The following ADCK1 variants were observed in gnomAD, a reference collection of about 807,000 sequenced individuals.
ADCK1 encodes the protein aarF domain containing kinase 1.
ADCK1 carries 41 observed loss-of-function variants against 52.3 expected under a neutral mutation model. The ratio of observed to expected loss-of-function variants is 0.78; its 90% CI spans 0.61 to 1.02. ADCK1 has a LOEUF of 1.02. Among genes scored for constraint, ADCK1 ranks in the 50% least tolerant of loss-of-function variants. The probability of loss-of-function intolerance (pLI) is 0.00; values close to 1 mark genes in which losing one functional copy is unlikely to be tolerated. For missense variants in ADCK1, 658 were observed against 679.5 expected, an observed-to-expected ratio of 0.97 and a Z score of 0.35; for synonymous variants, 250 against 274.6, an observed-to-expected ratio of 0.91 and a Z score of 0.89.
intron 4 of ADCK1, among the ~76,000 whole-genome samples, chr14:77,881,698 G>A (rs2083029286): frequency 6.6e-6 from 1 of 152,010 alleles, no homozygotes; most frequent in African/African-American, 2.4e-5. Flanking sequence ...TTGCTATGTT[G>A]CCCAGGCTGG....
intron 1 of ADCK1, among the ~76,000 whole-genome samples, chr14:77,801,544 A>G (rs2081110395): frequency 6.6e-6 from 1 of 152,136 alleles, no homozygotes; most frequent in South Asian, 2.1e-4. Flanking sequence ...GCCATTTCTC[A>G]ACTGGCCTCA....
intron 1 of ADCK1, among the ~76,000 whole-genome samples, chr14:77,809,833 G>A (rs59215192): frequency 0.023 from 3,455 of 151,250 alleles, 147 homozygotes; most frequent in African/African-American, 0.079. Context: ...CCAGGAGTTC[G>A]AGACCAGCCT....
chr14:77,918,728 G>A (rs969261643), intron 7 of ADCK1, among the ~76,000 whole-genome samples: 2 of 152,164 alleles, frequency 1.3e-5, no homozygotes, highest in African/African-American at 4.8e-5. Flanking sequence ...ACATTCTTGG[G>A]CATTGTTCAA....
intron 7 of ADCK1, chr14:77,908,351 A>C (rs528119763): frequency 2.5e-5 from 4 of 161,462 alleles, no homozygotes; most frequent in African/African-American, 9.6e-5. Flanking sequence ...AACCAACTGC[A>C]TCAGCCTCCT....
chr14:77,802,878 C>T (rs1018022842), intron 1 of ADCK1, among the ~76,000 whole-genome samples: 2 of 151,842 alleles, frequency 1.3e-5, no homozygotes, highest in Non-Finnish European at 2.9e-5. Context: ...GGCTGGAACC[C>T]GGGAGGCGGA....
intron 1 of ADCK1, among the ~76,000 whole-genome samples, chr14:77,803,864 C>T (rs1364773726): frequency 6.6e-6 from 1 of 152,152 alleles, no homozygotes; most frequent in African/African-American, 2.4e-5. Context: ...AAGACGTTAC[C>T]TGTCATAAAG....
chr14:77,865,472 C>T (rs1303196202), intron 4 of ADCK1, among the ~76,000 whole-genome samples: 1 of 152,076 alleles, frequency 6.6e-6, no homozygotes, highest in East Asian at 1.9e-4. Context: ...GACAGAGTGA[C>T]ACCCCGTATC....
At chr14:77,824,415 C>CCTTTCTTT (rs1162665297) in intron 3 of ADCK1, among the ~76,000 whole-genome samples, 1 of 150,698 alleles carries the variant, frequency 6.6e-6, no homozygotes, top group Non-Finnish European at 1.5e-5. Context: ...AATGTCTTTT[C>CCTTTCTTT]CTTTCTTTCT....
chr14:77,883,019 G>T (rs75954359), intron 4 of ADCK1, among the ~76,000 whole-genome samples: 5,680 of 135,170 alleles, frequency 0.042, 170 homozygotes, highest in Admixed American at 0.059. Context: ...GCACATGTGT[G>T]CACACACACA....
Position 77,844,060 on chromosome 14 carries a change from A to AG in ADCK1, c.220-15016_220-15015insG, listed in dbSNP as rs1161187444. Among the ~76,000 whole-genome samples the AG allele has an allele frequency of 2.0e-5, 3 of 151,754 alleles. No homozygotes were observed. The East Asian group carries it at 5.8e-4, about 29-fold the overall frequency. On this transcript the variant is annotated intron_variant, in intron 3 of 10. Coordinates refer to ENST00000238561, the MANE Select transcript of ADCK1 (RefSeq NM_020421.4). ...GCCAGGATGTGAATGACTGATCATA[A>AG]TTTCTTTTTTTCTTTTTTTTTTCTG...
At chr14:77,930,191 C>T (rs954930481) in intron 9 of ADCK1, among the ~76,000 whole-genome samples, 2 of 152,150 alleles carry the variant, frequency 1.3e-5, no homozygotes, top group African/African-American at 4.8e-5. Context: ...ATAGGTGCCT[C>T]TTAAGGTCTG....
At chr14:77,850,490 A>C (rs2082259423) in intron 3 of ADCK1, among the ~76,000 whole-genome samples, 1 of 152,032 alleles carries the variant, frequency 6.6e-6, no homozygotes, top group Non-Finnish European at 1.5e-5. Context: ...TGGGTGCATA[A>C]ATGTTTAGGA....
Position 77,852,897 on chromosome 14 carries a change from ATATATATATAT to A in ADCK1, c.220-6177_220-6167del, listed in dbSNP as rs2082334297. Among the ~76,000 whole-genome samples, 22 of 34,714 alleles carry A rather than the reference ATATATATATAT, an allele frequency of 6.3e-4. No individual in the cohort carries two copies. In the South Asian group the frequency reaches 8.0e-3, roughly 13 times the overall value. The allele number at this position is 34,714 out of a possible 152,430, so 22.8% of individuals were successfully genotyped here. A position where few individuals can be genotyped will look rare whatever the true frequency, so the allele number is the denominator to read the frequency against. Reference sequence around the variant, plus strand: ...CTTTTATGTGTGTATATATATATATATATATATATATTTTTTTTTTTTTTTTTTTTTTTTAG... The same window carrying A: ...CTTTTATGTGTGTATATATATATATATTTTTTTTTTTTTTTTTTTTTTTAG... On this transcript the variant is annotated intron_variant, in intron 3 of 10. Coordinates refer to ENST00000238561, the MANE Select transcript of ADCK1 (RefSeq NM_020421.4).
intron 1 of ADCK1, among the ~76,000 whole-genome samples, chr14:77,812,828 G>A (rs532584025): frequency 2.0e-5 from 3 of 152,008 alleles, no homozygotes; most frequent in Admixed American, 2.0e-4. Context: ...GGGCTCAAGT[G>A]ATCTGCCCGC....
intron 5 of ADCK1, among the ~76,000 whole-genome samples, chr14:77,894,030 G>T (rs964929956): frequency 1.4e-4 from 21 of 152,196 alleles, no homozygotes; most frequent in Non-Finnish European, 3.1e-4. Flanking sequence ...ACCGCGTCCA[G>T]CCTCATCTTG....
intron 1 of ADCK1, among the ~76,000 whole-genome samples, chr14:77,803,949 G>A (rs1006545748): frequency 1.3e-5 from 2 of 152,160 alleles, no homozygotes; most frequent in African/African-American, 4.8e-5. Flanking sequence ...TGAGCCACCT[G>A]GGACAAATCT....
chr14:77,868,866 C>T (rs964381649), intron 4 of ADCK1, among the ~76,000 whole-genome samples: 2 of 152,142 alleles, frequency 1.3e-5, no homozygotes, highest in Admixed American at 1.3e-4. Flanking sequence ...AAAGCTGTGC[C>T]CCTCCCTCCA....
rs202222334 is a variant in ADCK1 at position 77,802,725 on chromosome 14, C to T, written c.-12+2555C>T. Among the ~76,000 whole-genome samples the T allele has an allele frequency of 2.0e-4, 30 of 152,130 alleles. 1 individual carries two copies. In the East Asian group the frequency reaches 5.8e-3, roughly 29 times the overall value. ...CAGCACTTTGGGAAGCCAAGGCGGG[C>T]GGATCACGAGGTCAGGAGATCGAGA... On this transcript the variant is annotated intron_variant, in intron 1 of 10. Transcript: ENST00000238561.
intron 1 of ADCK1, among the ~76,000 whole-genome samples, chr14:77,805,987 CTTTTT>C (rs530925697): frequency 7.4e-4 from 65 of 87,700 alleles, no homozygotes; most frequent in Admixed American, 1.0e-3. Flanking sequence ...ATTCTTACGG[CTTTTT>C]TTTTTTTTTT....
Sources: gnomAD v4.1 joint callset for allele counts (sites outside exome capture counted in the v4.1 genomes callset) on GRCh38, gnomAD v4.1.1 for gene constraint, MANE v1.5 for transcripts, NCBI Gene and HGNC (gene_info 2026-07-23, HGNC 2026-07-21) for gene names.